The following PIBF1 variants were observed in gnomAD, a reference collection of about 807,000 sequenced individuals.
PIBF1 encodes progesterone-induced-blocking factor 1.
In PIBF1, 90 loss-of-function variants were observed where a neutral mutation model predicts 112.5. The ratio of observed to expected loss-of-function variants is 0.80; its 90% CI spans 0.67 to 0.95. The LOEUF (loss-of-function observed/expected upper bound fraction) is 0.95, where lower values mean the gene tolerates loss of function less well. Among genes scored for constraint, PIBF1 ranks in the 40% least tolerant of loss-of-function variants. The pLI is 0.00. For synonymous variants in PIBF1, 301 were observed against 288.6 expected (o/e 1.04, Z -0.44); for missense variants, 915 against 852.3 (o/e 1.07, Z -0.92).
At chr13:72,969,430 G>A (rs1269032877) in intron 15 of PIBF1, among the ~76,000 whole-genome samples, 1 of 152,108 alleles carries the variant, frequency 6.6e-6, no homozygotes, top group Non-Finnish European at 1.5e-5. Context: ...AGTACATTCT[G>A]AACTGATAAT....
At chr13:72,981,072 C>G (rs1439770527) in intron 16 of PIBF1, among the ~76,000 whole-genome samples, 1 of 151,448 alleles carries the variant, frequency 6.6e-6, no homozygotes, top group African/African-American at 2.4e-5. Context: ...TGGTGAAACC[C>G]TGTCTCTACT....
chr13:72,867,592 A>G (rs1043725079), intron 10 of PIBF1, among the ~76,000 whole-genome samples: 1 of 152,188 alleles, frequency 6.6e-6, no homozygotes, highest in African/African-American at 2.4e-5. Flanking sequence ...CACTATTACA[A>G]TGAGCTCTCT....
chr13:72,911,512 T>TGTAACA (rs1203599260), intron 12 of PIBF1, among the ~76,000 whole-genome samples: 9 of 152,188 alleles, frequency 5.9e-5, no homozygotes, highest in Admixed American at 5.2e-4. Context: ...ACTATAAATA[T>TGTAACA]GTAACAGAAA....
chr13:72,916,217 T>C (rs1422920392), intron 12 of PIBF1, among the ~76,000 whole-genome samples: 1 of 151,630 alleles, frequency 6.6e-6, no homozygotes, highest in Non-Finnish European at 1.5e-5. Context: ...GGCGAAACCC[T>C]GTCTCTACTA....
intron 3 of PIBF1, 22 bp from the exon 4 acceptor site, chr13:72,795,337 C>G: frequency 7.0e-7 from 1 of 1,422,744 alleles, no homozygotes; most frequent in East Asian, 2.3e-5. Flanking sequence ...TAAAGCCTGC[C>G]ATAAATTCTC....
intron 2 of PIBF1, 78 bp downstream of exon 2, chr13:72,783,799 CATT>C (rs2138296213): frequency 8.2e-7 from 1 of 1,212,688 alleles, no homozygotes; most frequent in Admixed American, 2.1e-5. Context: ...TAAATACACA[CATT>C]ATCTGAACTT....
intron 14 of PIBF1, among the ~76,000 whole-genome samples, chr13:72,940,932 C>T (rs1429052649): frequency 1.3e-5 from 2 of 152,056 alleles, no homozygotes; most frequent in African/African-American, 4.8e-5. Context: ...ACTTAAGGGG[C>T]ACTATCTGTA....
chr13:73,002,377 C>T (rs2043898927), intron 17 of PIBF1, among the ~76,000 whole-genome samples: 1 of 152,150 alleles, frequency 6.6e-6, no homozygotes, highest in African/African-American at 2.4e-5. Context: ...CAGAAACACC[C>T]AGTTCATTCC....
At chr13:72,986,378 A>G (rs1300563798) in intron 16 of PIBF1, among the ~76,000 whole-genome samples, 1 of 152,166 alleles carries the variant, frequency 6.6e-6, no homozygotes, top group Non-Finnish European at 1.5e-5. Flanking sequence ...GGGTCTGAGC[A>G]AACCAATCAG....
At chr13:73,002,469 G>C (rs2043901743) in intron 17 of PIBF1, among the ~76,000 whole-genome samples, 1 of 151,998 alleles carries the variant, frequency 6.6e-6, no homozygotes, top group African/African-American at 2.4e-5. Flanking sequence ...CTCTTTCTTA[G>C]AAAAACCTAG....
chr13:72,786,101 A>T (rs868838594), intron 2 of PIBF1, among the ~76,000 whole-genome samples: 2 of 152,224 alleles, frequency 1.3e-5, no homozygotes, highest in Non-Finnish European at 2.9e-5. Context: ...GGATTAATCA[A>T]TGTATGTAAG....
chr13:72,824,944 A>T (rs1381726029), intron 6 of PIBF1, among the ~76,000 whole-genome samples: 1 of 152,166 alleles, frequency 6.6e-6, no homozygotes, highest in African/African-American at 2.4e-5. Context: ...ATTCCTGCCC[A>T]AGTGCCTAAC....
At chr13:72,987,608 ATG>A (rs923227633) in intron 16 of PIBF1, among the ~76,000 whole-genome samples, 3 of 151,158 alleles carry the variant, frequency 2.0e-5, no homozygotes, top group African/African-American at 7.3e-5. Flanking sequence ...TAGTAGCTAA[ATG>A]AACATGGTTA....
At chr13:72,809,579 T>G (rs897686240) in intron 5 of PIBF1, among the ~76,000 whole-genome samples, 5 of 118,690 alleles carry the variant, frequency 4.2e-5, no homozygotes, top group East Asian at 2.0e-4. Context: ...TAATAGAAGG[T>G]TTTTTTTTGG....
intron 15 of PIBF1, among the ~76,000 whole-genome samples, chr13:72,970,328 A>G (rs2042855369): frequency 6.6e-6 from 1 of 152,156 alleles, no homozygotes; most frequent in South Asian, 2.1e-4. Context: ...CCAAGCCACA[A>G]GAGACACTCT....
intron 17 of PIBF1, among the ~76,000 whole-genome samples, chr13:73,010,951 C>A (rs2044185711): frequency 6.7e-6 from 1 of 149,706 alleles, no homozygotes; most frequent in African/African-American, 2.4e-5. Flanking sequence ...CTCAGCCTCC[C>A]AAGTAGATGG....
intron 17 of PIBF1, among the ~76,000 whole-genome samples, chr13:73,002,722 A>T (rs1349757496): frequency 3.9e-5 from 6 of 152,082 alleles, no homozygotes; most frequent in Non-Finnish European, 8.8e-5. Context: ...AGTGGCTCAC[A>T]CCTGTAATCC....
intron 17 of PIBF1, among the ~76,000 whole-genome samples, chr13:73,006,829 T>C (rs2044046195): frequency 6.6e-6 from 1 of 152,156 alleles, no homozygotes; most frequent in Non-Finnish European, 1.5e-5. Context: ...TTATCAGTTA[T>C]TTGTTTCCAA....
At chr13:72,894,953 C>G (rs544657484) in intron 11 of PIBF1, among the ~76,000 whole-genome samples, 2 of 151,358 alleles carry the variant, frequency 1.3e-5, no homozygotes, top group Non-Finnish European at 2.9e-5. Context: ...GGTGAAACCT[C>G]GTCTACTACT....
Sources: allele counts gnomAD v4.1 joint callset (sites outside exome capture counted in the v4.1 genomes callset), GRCh38; gene constraint gnomAD v4.1.1; transcripts MANE v1.5; gene names NCBI Gene and HGNC (gene_info 2026-07-23, HGNC 2026-07-21).